The following USH2A variants were observed in gnomAD, a reference collection of about 807,000 sequenced individuals.
The protein encoded by USH2A is Usher syndrome 2A (autosomal recessive, mild).
Under a neutral mutation model 538.9 loss-of-function variants are expected in USH2A, and 443 were observed. That is an observed-to-expected ratio of 0.82 (90% CI 0.76 to 0.89). The LOEUF is 0.89. Ranked by LOEUF, USH2A falls within the 40% of genes least tolerant of loss-of-function variation. The pLI is 0.00. For missense variants in USH2A, 6,633 were observed against 6,324.8 expected, an observed-to-expected ratio of 1.05 and a Z score of -1.65; for synonymous variants, 2,413 against 2,273.5, an observed-to-expected ratio of 1.06 and a Z score of -1.75.
intron 27 of USH2A, 58 bp downstream of exon 27, chr1:216,078,031 C>A: frequency 1.2e-6 from 2 of 1,610,008 alleles, no homozygotes; most frequent in Non-Finnish European, 1.7e-6. Context: ...ACAGAACCAC[C>A]AAAAACTGTT....
At chr1:216,069,622 T>G (rs567331843) in intron 30 of USH2A, among the ~76,000 whole-genome samples, 2 of 152,332 alleles carry the variant, frequency 1.3e-5, no homozygotes, top group East Asian at 3.9e-4. Flanking sequence ...CACACCACAC[T>G]GTGAGAAATC....
intron 3 of USH2A, among the ~76,000 whole-genome samples, chr1:216,371,689 T>A (rs1038682417): frequency 6.6e-6 from 1 of 152,188 alleles, no homozygotes; most frequent in African/African-American, 2.4e-5. Flanking sequence ...ATGTCTGTCA[T>A]GCAGTGCCTT....
intron 64 of USH2A, among the ~76,000 whole-genome samples, chr1:215,665,249 C>T (rs1053588468): frequency 2.6e-5 from 4 of 152,304 alleles, no homozygotes; most frequent in Middle Eastern, 3.4e-3. Flanking sequence ...GACTGCCATT[C>T]TGCATGGGCT....
chr1:216,137,128 C>A (rs1301800844), intron 21 of USH2A, among the ~76,000 whole-genome samples: 1 of 152,024 alleles, frequency 6.6e-6, no homozygotes, highest in African/African-American at 2.4e-5. Flanking sequence ...AACTCAGAAC[C>A]AACAACCTTG....
At chr1:215,630,565 T>G (rs188602009) in intron 70 of USH2A, among the ~76,000 whole-genome samples, 1 of 143,380 alleles carries the variant, frequency 7.0e-6, no homozygotes, top group Admixed American at 7.0e-5. Flanking sequence ...TAAAACTTCA[T>G]AGTGAGGCCG....
At chr1:216,293,900 A>C (rs1003951161) in intron 9 of USH2A, among the ~76,000 whole-genome samples, 1 of 152,212 alleles carries the variant, frequency 6.6e-6, no homozygotes, top group African/African-American at 2.4e-5. Flanking sequence ...ATGTTTGTTT[A>C]TGTAATTACT....
At chr1:216,087,032 C>A in intron 23 of USH2A, 1 of 514,190 alleles carries the variant, frequency 1.9e-6, no homozygotes, top group Non-Finnish European at 3.6e-6. Context: ...CCTCTCAGGC[C>A]TCTTCCTTTC....
At chr1:215,989,843 G>T (rs1308286993) in intron 35 of USH2A, among the ~76,000 whole-genome samples, 1 of 152,054 alleles carries the variant, frequency 6.6e-6, no homozygotes, top group South Asian at 2.1e-4. Context: ...AATCCAGGGG[G>T]AGGATTTTGT....
chr1:216,069,050 T>C (rs1361403272), intron 30 of USH2A, among the ~76,000 whole-genome samples: 3 of 152,146 alleles, frequency 2.0e-5, no homozygotes, highest in Non-Finnish European at 4.4e-5. Context: ...GAAGGAGCTA[T>C]TCTGGAAATA....
intron 4 of USH2A, among the ~76,000 whole-genome samples, chr1:216,339,628 T>C (rs932863910): frequency 6.6e-6 from 1 of 151,660 alleles, no homozygotes; most frequent in African/African-American, 2.4e-5. Flanking sequence ...ACTGAAATTA[T>C]AACAGTTTCT....
In USH2A at chr1:215,728,368, C is replaced by A; in HGVS notation, c.11728G>T (p.Glu3910Ter). 6.2e-7 allele frequency: 1 copy of A among 1,614,104 alleles called. No homozygotes were observed. The highest frequency in any genetic ancestry group is 8.5e-7 in the Non-Finnish European group (1 of 1,180,024). ...YFIYRRPAGI[E>*]EESVLFVWSE... ...CAGACAAATAAAACAGACTCCTCTT[C>A]AATGCCAGCAGGGCGTCTGAAAGGA... Residue 3910 changes from glutamate (E) to a stop codon, truncating the protein, a stop_gained, in exon 61 of 72, where the codon GAA (glutamate) becomes TAA (stop). Coordinates refer to ENST00000307340, the MANE Select transcript of USH2A (RefSeq NM_206933.4). LOFTEE classifies it high-confidence loss of function.
intron 38 of USH2A, among the ~76,000 whole-genome samples, chr1:215,926,614 C>CTTTTTTTT (rs10673615): frequency 0.03 from 2,310 of 75,742 alleles, 255 homozygotes; most frequent in African/African-American, 0.056. Context: ...ACCTACCTAT[C>CTTTTTTTT]TTTTTTTTTT....
intron 11 of USH2A, among the ~76,000 whole-genome samples, chr1:216,286,787 T>C (rs2036895061): frequency 6.6e-6 from 1 of 152,206 alleles, no homozygotes; most frequent in East Asian, 1.9e-4. Flanking sequence ...CTGTCTTGGG[T>C]ATTTCTTCCC....
intron 3 of USH2A, among the ~76,000 whole-genome samples, chr1:216,375,705 G>T (rs34524520): frequency 0.075 from 11,436 of 151,998 alleles, 1,194 homozygotes; most frequent in African/African-American, 0.23. Flanking sequence ...ATTCAACTTG[G>T]CTGTTTGGTG....
chr1:215,848,091 T>G (rs968226021), intron 44 of USH2A, among the ~76,000 whole-genome samples: 2 of 152,166 alleles, frequency 1.3e-5, no homozygotes, highest in Admixed American at 1.3e-4. Context: ...GAACTGACTA[T>G]TAAAATCCCT....
At chr1:216,376,814 G>A (rs558088129) in intron 3 of USH2A, among the ~76,000 whole-genome samples, 54 of 152,252 alleles carry the variant, frequency 3.5e-4, no homozygotes, top group African/African-American at 1.3e-3. Flanking sequence ...CTCAATGGAT[G>A]TCATAAAGAT....
At chr1:215,663,151 C>T (rs1452069863) in intron 64 of USH2A, among the ~76,000 whole-genome samples, 1 of 152,146 alleles carries the variant, frequency 6.6e-6, no homozygotes, top group Non-Finnish European at 1.5e-5. Flanking sequence ...TTTTTACACT[C>T]TAACATTTTA....
intron 55 of USH2A, among the ~76,000 whole-genome samples, chr1:215,776,990 T>C (rs1661485298): frequency 6.6e-6 from 1 of 152,160 alleles, no homozygotes; most frequent in African/African-American, 2.4e-5. Context: ...AACCCCTCTT[T>C]AGGGCTGTAT....
At chr1:215,848,618 G>A (rs1228635089) in intron 44 of USH2A, among the ~76,000 whole-genome samples, 2 of 152,150 alleles carry the variant, frequency 1.3e-5, no homozygotes, top group Admixed American at 6.5e-5. Flanking sequence ...CCGTTCCATT[G>A]TTTATGTCTT....
Sources: gnomAD v4.1 joint callset for allele counts (sites outside exome capture counted in the v4.1 genomes callset) on GRCh38, gnomAD v4.1.1 for gene constraint, MANE v1.5 for transcripts, NCBI Gene and HGNC (gene_info 2026-07-23, HGNC 2026-07-21) for gene names.